TSHR: variants seen among roughly 807,000 people sequenced by gnomAD.
TSHR encodes thyroid stimulating hormone receptor, also known as thyrotropin receptor.
TSHR carries 51 observed loss-of-function variants against 64.1 expected under a neutral mutation model. The ratio of observed to expected loss-of-function variants is 0.80; its 90% CI spans 0.64 to 1.01. The LOEUF (loss-of-function observed/expected upper bound fraction) is 1.01. Among genes scored for constraint, TSHR ranks in the 50% least tolerant of loss-of-function variants. The probability of loss-of-function intolerance (pLI) is 0.00; values close to 1 mark genes in which losing one functional copy is unlikely to be tolerated. For synonymous variants in TSHR, 361 were observed against 361.9 expected (o/e 1.00, Z 0.03); for missense variants, 877 against 942.8 (o/e 0.93, Z 0.91).
At chr14:80,996,579 A>C (rs571589327) in intron 1 of TSHR, among the ~76,000 whole-genome samples, 1 of 103,962 alleles carries the variant, frequency 9.6e-6, no homozygotes, top group Admixed American at 1.2e-4. Flanking sequence ...ACTCCCGCAC[A>C]TTGAGATCTG....
intron 1 of TSHR, among the ~76,000 whole-genome samples, chr14:81,054,775 A>G (rs1040600521): frequency 2.0e-5 from 3 of 152,134 alleles, no homozygotes; most frequent in African/African-American, 4.8e-5. Flanking sequence ...CTAAGCATCA[A>G]AGCATTCAAG....
chr14:81,005,198 T>C (rs1355029262), intron 1 of TSHR, among the ~76,000 whole-genome samples: 1 of 576 alleles, frequency 1.7e-3, no homozygotes, highest in Non-Finnish European at 3.4e-3. Flanking sequence ...CTCAAGCCTT[T>C]GTGTGTGTGT....
At chr14:81,133,044 G>A (rs1036300842) in intron 8 of TSHR, among the ~76,000 whole-genome samples, 4 of 152,098 alleles carry the variant, frequency 2.6e-5, no homozygotes, top group African/African-American at 9.7e-5. Flanking sequence ...TTTATTCTCC[G>A]ACAACTCCAG....
intron 8 of TSHR, chr14:81,108,914 T>C (rs1421634916): frequency 6.4e-6 from 9 of 1,410,652 alleles, no homozygotes; most frequent in Non-Finnish European, 8.3e-6. Flanking sequence ...TGGGGAAAGA[T>C]GGAATAAAAA....
intron 2 of TSHR, among the ~76,000 whole-genome samples, chr14:81,063,823 C>T (rs1327548737): frequency 1.3e-5 from 2 of 151,750 alleles, no homozygotes; most frequent in African/African-American, 4.8e-5. Context: ...CTATTACCTA[C>T]ACAGGAGCAG....
intron 8 of TSHR, among the ~76,000 whole-genome samples, chr14:81,139,077 C>T (rs575308428): frequency 2.6e-5 from 4 of 152,342 alleles, no homozygotes; most frequent in African/African-American, 9.6e-5. Context: ...TTAATATCAA[C>T]ACTTGAGTTT....
intron 1 of TSHR, among the ~76,000 whole-genome samples, chr14:81,035,606 T>C (rs1209150493): frequency 1.3e-5 from 2 of 152,278 alleles, no homozygotes; most frequent in Admixed American, 6.5e-5. Context: ...GGGGAATAAA[T>C]ATTAATTACT....
rs772114546 is a variant in TSHR at position 81,144,205 on chromosome 14, G to A, written c.2147G>A (p.Ser716Asn). Residue 716 changes from serine (S) to asparagine (N), a missense_variant, in exon 10 of 10, where the codon AGC becomes AAC. By Grantham distance (46) the Ser-to-Asn change is conservative. Coordinates refer to ENST00000298171, the MANE Select transcript of TSHR (RefSeq NM_000369.5). ...GGGCAGAGGGTTCCTCCAAAGAACA[G>A]CACTGATATTCAGGTTCAAAAGGTT... ...YRGQRVPPKN[S>N]TDIQVQKVTH... 6.2e-7 allele frequency: 1 copy of A among 1,613,678 alleles called. No homozygotes were observed. The highest frequency in any genetic ancestry group is 1.7e-5 in the Admixed American group (1 of 59,982).
intron 8 of TSHR, among the ~76,000 whole-genome samples, chr14:81,110,150 T>G (rs762782226): frequency 2.0e-5 from 3 of 152,238 alleles, no homozygotes; most frequent in Non-Finnish European, 4.4e-5. Context: ...AAATAGAATT[T>G]TAACTTGTTT....
intron 7 of TSHR, chr14:81,102,720 C>A: frequency 2.3e-6 from 2 of 865,398 alleles, no homozygotes; most frequent in Non-Finnish European, 2.8e-6. Flanking sequence ...AAAACAAGGG[C>A]AAGGTAGGAT....
intron 9 of TSHR, 101 bp downstream of exon 9, chr14:81,139,968 G>A (rs950014047): frequency 4.1e-6 from 6 of 1,457,240 alleles, no homozygotes; most frequent in Middle Eastern, 2.0e-4. Context: ...AAAACCAGGT[G>A]GAGAGGAAAT....
chr14:81,108,828 C>T (rs1725432861), intron 8 of TSHR: 2 of 1,523,064 alleles, frequency 1.3e-6, no homozygotes, highest in Middle Eastern at 2.4e-4. Context: ...CCTGAATGTA[C>T]ATTGCACAAT....
Position 80,961,491 on chromosome 14 carries a change from T to C in TSHR, c.170+5641T>C, listed in dbSNP as rs545581309. Among the ~76,000 whole-genome samples, 8 of 152,290 alleles carry C rather than the reference T, an allele frequency of 5.3e-5. No individual in the cohort carries two copies. The South Asian group carries it at 1.5e-3, about 28-fold the overall frequency. ...CAGTGGAGCAGGTAGAAGGTGGAGATGTGGTGTTCAAGAGCTTTGAAGAAT... is the reference window on the plus strand; with the variant it reads ...CAGTGGAGCAGGTAGAAGGTGGAGACGTGGTGTTCAAGAGCTTTGAAGAAT... On this transcript the variant is annotated intron_variant, in intron 1 of 9. Transcript: ENST00000298171.
At chr14:81,003,326 C>T (rs1889439918) in intron 1 of TSHR, 1 of 152,350 alleles carries the variant, frequency 6.6e-6, no homozygotes. Context: ...TGTCAGCTAT[C>T]ACCTGGATAA....
chr14:81,144,461 G>C lies in TSHR; in HGVS notation c.*108G>C. 1 of 1,137,564 alleles carries C rather than the reference G, an allele frequency of 8.8e-7. No individual in the cohort carries two copies. Among genetic ancestry groups the C allele is most frequent in the South Asian group, 1.3e-5 (1 of 77,102 alleles). The allele number at this position is 1,137,564 out of a possible 1,614,324, so 70.5% of individuals were successfully genotyped here. On this transcript the variant is annotated 3_prime_UTR_variant, in exon 10 of 10. Transcript: ENST00000298171. ...CCAACACATAGCTGCCCTCACTCTT[G>C]TGCAGGCGATGTTTCAATGTTTCAT...
At chr14:81,022,779 C>A (rs1422803803) in intron 1 of TSHR, among the ~76,000 whole-genome samples, 1 of 152,066 alleles carries the variant, frequency 6.6e-6, no homozygotes, top group Non-Finnish European at 1.5e-5. Context: ...CAAGATCATG[C>A]CACTGCACTC....
chr14:81,057,647 CTGAT>C (rs767799698), intron 1 of TSHR, among the ~76,000 whole-genome samples: 27 of 152,244 alleles, frequency 1.8e-4, no homozygotes, highest in Admixed American at 5.2e-4. Flanking sequence ...GAAATACTGG[CTGAT>C]TGATTGACAC....
chr14:81,076,274 A>G (rs1000136307), intron 3 of TSHR, among the ~76,000 whole-genome samples: 3 of 152,212 alleles, frequency 2.0e-5, no homozygotes, highest in South Asian at 2.1e-4. Context: ...CTTTCCTATC[A>G]TCTTTTGCTG....
intron 1 of TSHR, among the ~76,000 whole-genome samples, chr14:80,960,916 G>A (rs1886987881): frequency 1.3e-5 from 2 of 152,228 alleles, no homozygotes; most frequent in South Asian, 4.1e-4. Flanking sequence ...TCTTGTAGCT[G>A]CCAGACTGTC....
Sources: gnomAD v4.1 joint callset for allele counts (sites outside exome capture counted in the v4.1 genomes callset) on GRCh38, gnomAD v4.1.1 for gene constraint, MANE v1.5 for transcripts, NCBI Gene and HGNC (gene_info 2026-07-23, HGNC 2026-07-21) for gene names.